RTN3: variants seen among roughly 807,000 people sequenced by gnomAD.
RTN3 encodes the protein reticulon 3, also known as reticulon-3.
Under a neutral mutation model 77.8 loss-of-function variants are expected in RTN3, and 49 were observed. That is an observed-to-expected ratio of 0.63 (90% CI 0.50 to 0.80). The LOEUF (loss-of-function observed/expected upper bound fraction) is 0.80. Among genes scored for constraint, RTN3 ranks in the 30% least tolerant of loss-of-function variants. RTN3 has a pLI of 0.00. For missense variants in RTN3, 1,236 were observed against 1,211.9 expected (o/e 1.02, Z -0.29); for synonymous variants, 464 against 446.9 (o/e 1.04, Z -0.48).
At chr11:63,696,764 C>A (rs1941965689) in intron 1 of RTN3, among the ~76,000 whole-genome samples, 1 of 150,978 alleles carries the variant, frequency 6.6e-6, no homozygotes, top group Non-Finnish European at 1.5e-5. Flanking sequence ...CCAGGCTGGT[C>A]TCGAACTCCT....
At chr11:63,707,775 A>G (rs1018892708) in intron 2 of RTN3, among the ~76,000 whole-genome samples, 4 of 152,200 alleles carry the variant, frequency 2.6e-5, no homozygotes, top group African/African-American at 9.6e-5. Context: ...CAGAGGTTGC[A>G]GTGAGCCGAG....
Position 63,681,718 on chromosome 11 carries a change from G to A in RTN3, c.82G>A (p.Gly28Ser). The change falls in exon 1 of 9, where the codon GGC (glycine) becomes AGC (serine). Residue 28 changes from glycine to serine, a missense_variant. Coordinates refer to ENST00000377819, the MANE Select transcript of RTN3 (RefSeq NM_001265589.2). ...FGAEPSAPGG[G>S]GSPGACPALG... ...AGCCGAGCCGTCCGCGCCCGGCGGC[G>A]GCGGGAGCCCAGGAGCCTGCCCCGC... The A allele has an allele frequency of 6.2e-7, 1 of 1,610,142 alleles. No homozygotes were observed. The highest frequency in any genetic ancestry group is 1.1e-5 in the South Asian group (1 of 90,878).
At chr11:63,729,538 A>C (rs2012543131) in intron 3 of RTN3, among the ~76,000 whole-genome samples, 1 of 148,442 alleles carries the variant, frequency 6.7e-6, no homozygotes, top group East Asian at 2.0e-4. Flanking sequence ...ACTCACTGCA[A>C]CCTAGACCTC....
At chr11:63,737,076 C>T (rs1349750142) in intron 3 of RTN3, among the ~76,000 whole-genome samples, 1 of 151,770 alleles carries the variant, frequency 6.6e-6, no homozygotes, top group Admixed American at 6.6e-5. Flanking sequence ...TCAAGGGATC[C>T]TCCCACCTCA....
At position 63,755,915 on chromosome 11, in the gene RTN3, C is replaced by T. The variant is rs480410; in HGVS notation, c.2995-197C>T. On this transcript the variant is annotated intron_variant, in intron 7 of 8. Coordinates refer to ENST00000377819, the MANE Select transcript of RTN3 (RefSeq NM_001265589.2). Reference sequence around the variant, plus strand: ...TGGAGCTTGCAGTGAGCCAAGATAGCGCCACTGCACTCCACCCTGGGCGAG... The same window carrying T: ...TGGAGCTTGCAGTGAGCCAAGATAGTGCCACTGCACTCCACCCTGGGCGAG... Among the ~76,000 whole-genome samples the T allele has an allele frequency of 1.6e-4, 24 of 151,434 alleles. 2 individuals carry two copies. The highest frequency in any genetic ancestry group is 1.3e-3 in the Admixed American group (20 of 15,184).
intron 1 of RTN3, 128 bp downstream of exon 1, chr11:63,681,906 G>C (rs1941074976): frequency 3.8e-6 from 4 of 1,043,336 alleles, no homozygotes; most frequent in Non-Finnish European, 4.0e-6. Context: ...AGCCCCCCGG[G>C]GACGAGCGTT....
rs1283793236 is a variant in RTN3 at position 63,706,084 on chromosome 11, A to G, written c.199+1177A>G. Among the ~76,000 whole-genome samples the G allele has an allele frequency of 3.3e-5, 5 of 152,218 alleles. No homozygotes were observed. The South Asian group carries it at 8.3e-4, about 25-fold the overall frequency. On this transcript the variant is annotated intron_variant, in intron 2 of 8. Transcript: ENST00000377819. ...TTCTCTAGCTGCAAAAGACTTTTAT[A>G]AGAATAAAAACATAATGGGATTTAA...
chr11:63,701,828 A>G (rs1245467582), intron 1 of RTN3, among the ~76,000 whole-genome samples: 1 of 152,012 alleles, frequency 6.6e-6, no homozygotes, highest in East Asian at 1.9e-4. Context: ...ACCTGTAGTC[A>G]GTGCTACTCG....
chr11:63,754,344 A>G (rs909258961), intron 7 of RTN3, among the ~76,000 whole-genome samples: 22 of 152,286 alleles, frequency 1.4e-4, no homozygotes, highest in African/African-American at 4.8e-4. Context: ...ACTTGAGGTC[A>G]GGAGTTCGAG....
At chr11:63,714,921 C>G (rs900325345) in intron 2 of RTN3, among the ~76,000 whole-genome samples, 1 of 152,120 alleles carries the variant, frequency 6.6e-6, no homozygotes, top group Non-Finnish European at 1.5e-5. Flanking sequence ...TGAGATTATT[C>G]TACACCTAAC....
intron 1 of RTN3, among the ~76,000 whole-genome samples, chr11:63,702,605 C>T (rs749098396): frequency 6.6e-6 from 1 of 151,790 alleles, no homozygotes; most frequent in Non-Finnish European, 1.5e-5. Context: ...TGAGCCACTG[C>T]GCCCGGCCGT....
intron 2 of RTN3, among the ~76,000 whole-genome samples, chr11:63,710,357 T>G (rs536326063): frequency 2.0e-5 from 3 of 152,246 alleles, no homozygotes; most frequent in Admixed American, 1.3e-4. Flanking sequence ...TTTTGTTTTT[T>G]TTTTTATCAT....
chr11:63,698,073 T>G (rs1942055445), intron 1 of RTN3, among the ~76,000 whole-genome samples: 1 of 152,180 alleles, frequency 6.6e-6, no homozygotes, highest in African/African-American at 2.4e-5. Context: ...TCCCTCCCCC[T>G]CTACCACTCT....
At chr11:63,746,448 A>G (rs1030692751) in intron 3 of RTN3, among the ~76,000 whole-genome samples, 1 of 152,012 alleles carries the variant, frequency 6.6e-6, no homozygotes, top group Admixed American at 6.6e-5. Context: ...GTGTGTTTCC[A>G]TTGAACAAAA....
chr11:63,694,942 T>A (rs1202526258), intron 1 of RTN3, among the ~76,000 whole-genome samples: 1 of 152,204 alleles, frequency 6.6e-6, no homozygotes, highest in East Asian at 1.9e-4. Flanking sequence ...ATCTTGGAAA[T>A]TAGCACTGTT....
Position 63,681,567 on chromosome 11 carries a change from T to A in RTN3, c.-70T>A. The A allele has an allele frequency of 6.8e-7, 1 of 1,461,290 alleles. No individual in the cohort carries two copies. The highest frequency in any genetic ancestry group is 9.2e-7 in the Non-Finnish European group (1 of 1,090,770). 90.5% of individuals were successfully genotyped at this position (1,461,290 alleles called of 1,614,324 possible). On this transcript the variant is annotated 5_prime_UTR_variant, in exon 1 of 9. Coordinates refer to ENST00000377819, the MANE Select transcript of RTN3 (RefSeq NM_001265589.2). ...CTTGAGCGAGCCAGTTGCCGGATTA[T>A]TCTATTTCCCCTCCCTCTCTCCCGC...
intron 1 of RTN3, chr11:63,698,803 A>T (rs985155059): frequency 5.9e-6 from 1 of 168,140 alleles, no homozygotes; most frequent in Non-Finnish European, 1.5e-5. Context: ...CTTTTGTAAA[A>T]CTTCTGTATT....
chr11:63,719,308 C>T lies in RTN3; in HGVS notation c.806C>T (p.Thr269Ile). The T allele has an allele frequency of 6.2e-7, 1 of 1,614,134 alleles. No homozygotes were observed. The highest frequency in any genetic ancestry group is 8.5e-7 in the Non-Finnish European group (1 of 1,180,030). ...TTTAAAGACTCATATAAGGAGAGCA[C>T]AGATGATTTTGGTAGCTGGTCTGTG... Reference protein sequence around the residue: ...KEFKDSYKESTDDFGSWSVHT... With the variant: ...KEFKDSYKESIDDFGSWSVHT... Residue 269 changes from threonine to isoleucine, a missense_variant, in exon 3 of 9, where the codon ACA (threonine) becomes ATA (isoleucine). By Grantham distance (89) the Thr-to-Ile change is moderately conservative. Around this residue, in one of 3 missense-constraint regions of RTN3, gnomAD observed 1,056 missense variants for 990.4 expected, o/e 1.07. Transcript: ENST00000377819.
At chr11:63,749,605 G>A (rs532149949) in intron 3 of RTN3, among the ~76,000 whole-genome samples, 41 of 152,312 alleles carry the variant, frequency 2.7e-4, no homozygotes, top group African/African-American at 8.9e-4. Flanking sequence ...TTACCCCGGT[G>A]TATTTCCATA....
Sources: gnomAD v4.1 joint callset for allele counts (sites outside exome capture counted in the v4.1 genomes callset) on GRCh38, gnomAD v4.1.1 for gene constraint, gnomAD v4.1.1 regional missense constraint, MANE v1.5 for transcripts, NCBI Gene and HGNC (gene_info 2026-07-23, HGNC 2026-07-21) for gene names.